Variants in KCNMA1 observed in about 807,000 individuals in gnomAD.
The protein encoded by KCNMA1 is potassium calcium-activated channel subfamily M alpha 1, also known as Calcium-activated potassium channel subunit alpha-1.
In KCNMA1, 29 loss-of-function variants were observed where a neutral mutation model predicts 140.0. The ratio of observed to expected loss-of-function variants is 0.21; its 90% CI spans 0.15 to 0.28. The LOEUF (loss-of-function observed/expected upper bound fraction) is 0.28. KCNMA1 is among the 10% of genes least tolerant of loss of function. The pLI is 1.00. For missense variants in KCNMA1, 880 were observed against 1,602.2 expected, an observed-to-expected ratio of 0.55 and a Z score of 7.70; for synonymous variants, 612 against 611.9, an observed-to-expected ratio of 1.00 and a Z score of 0.00.
chr10:77,590,303 T>C (rs998488066), intron 1 of KCNMA1, among the ~76,000 whole-genome samples: 7 of 152,126 alleles, frequency 4.6e-5, no homozygotes, highest in African/African-American at 1.7e-4. Context: ...CCTTGGGTGG[T>C]CGATGGGACT....
At chr10:77,387,991 G>A (rs922823479) in intron 2 of KCNMA1, among the ~76,000 whole-genome samples, 1 of 152,152 alleles carries the variant, frequency 6.6e-6, no homozygotes, top group African/African-American at 2.4e-5. Context: ...AATATTCTCT[G>A]TAGCTGCTAC....
chr10:77,590,498 G>T (rs1206464642), intron 1 of KCNMA1, among the ~76,000 whole-genome samples: 1 of 152,224 alleles, frequency 6.6e-6, no homozygotes, highest in Admixed American at 6.5e-5. Flanking sequence ...AGCCCGCTGA[G>T]CCCACACCCA....
intron 3 of KCNMA1, among the ~76,000 whole-genome samples, chr10:77,225,773 C>T (rs1242698513): frequency 6.6e-6 from 1 of 152,202 alleles, no homozygotes; most frequent in Non-Finnish European, 1.5e-5. Flanking sequence ...AGGCCACATG[C>T]CGAATGGAGG....
intron 15 of KCNMA1, among the ~76,000 whole-genome samples, chr10:77,032,733 CCT>C (rs1565663493): frequency 1.8e-4 from 26 of 148,096 alleles, no homozygotes; most frequent in South Asian, 2.1e-4. Context: ...GCCCAACCCC[CCT>C]TTTTTTTTTT....
intron 1 of KCNMA1, among the ~76,000 whole-genome samples, chr10:77,444,900 T>C (rs1020770321): frequency 6.6e-6 from 1 of 152,134 alleles, no homozygotes; most frequent in African/African-American, 2.4e-5. Context: ...ATTCTCCACT[T>C]GAGCAGTGAA....
chr10:77,542,133 A>G (rs748323883), intron 1 of KCNMA1, among the ~76,000 whole-genome samples: 1 of 152,226 alleles, frequency 6.6e-6, no homozygotes, highest in African/African-American at 2.4e-5. Context: ...AGAAGGCTCC[A>G]TGTATGAAGC....
chr10:77,399,059 A>C (rs1603467538), intron 2 of KCNMA1, among the ~76,000 whole-genome samples: 1 of 152,190 alleles, frequency 6.6e-6, no homozygotes, highest in East Asian at 1.9e-4. Context: ...CAGAGCGCAA[A>C]CCTGAGCCAC....
intron 1 of KCNMA1, among the ~76,000 whole-genome samples, chr10:77,574,928 T>C (rs2073459150): frequency 6.6e-6 from 1 of 152,224 alleles, no homozygotes; most frequent in African/African-American, 2.4e-5. Flanking sequence ...CTGATGGCTT[T>C]CAGGAGGCCC....
At chr10:77,623,838 A>G (rs2092004933) in intron 1 of KCNMA1, among the ~76,000 whole-genome samples, 1 of 152,242 alleles carries the variant, frequency 6.6e-6, no homozygotes, top group African/African-American at 2.4e-5. Context: ...ACAATTACCA[A>G]CACCCCAAAG....
chr10:77,224,849 G>A (rs963291429), intron 3 of KCNMA1, among the ~76,000 whole-genome samples: 14 of 152,292 alleles, frequency 9.2e-5, no homozygotes, highest in African/African-American at 3.4e-4. Flanking sequence ...AGGCTCAGAA[G>A]AGCTAATATA....
At chr10:77,347,997 C>G (rs2092408021) in intron 2 of KCNMA1, among the ~76,000 whole-genome samples, 1 of 152,152 alleles carries the variant, frequency 6.6e-6, no homozygotes, top group African/African-American at 2.4e-5. Context: ...GTGCTGAAAA[C>G]TTGGGATTCA....
At chr10:77,067,483 C>T (rs1291832736) in intron 14 of KCNMA1, among the ~76,000 whole-genome samples, 1 of 152,210 alleles carries the variant, frequency 6.6e-6, no homozygotes, top group Non-Finnish European at 1.5e-5. Context: ...ATCTCTCTCT[C>T]TCTCTCTCAC....
intron 9 of KCNMA1, among the ~76,000 whole-genome samples, chr10:77,099,357 G>A (rs1271358000): frequency 6.6e-6 from 1 of 152,086 alleles, no homozygotes; most frequent in East Asian, 1.9e-4. Flanking sequence ...CACACCCAAC[G>A]GTGTTGCCAC....
chr10:77,331,048 A>T (rs2086202105), intron 2 of KCNMA1, among the ~76,000 whole-genome samples: 1 of 152,112 alleles, frequency 6.6e-6, no homozygotes, highest in Admixed American at 6.5e-5. Context: ...TAAACTAAGG[A>T]GGCCATAAAA....
At chr10:77,145,568 T>G (rs530022528) in intron 5 of KCNMA1, among the ~76,000 whole-genome samples, 1 of 152,326 alleles carries the variant, frequency 6.6e-6, no homozygotes, top group Admixed American at 6.5e-5. Context: ...CTACCAATAC[T>G]GGGAAAACTC....
At chr10:76,887,660 C>G (rs375639536) in intron 27 of KCNMA1, 145 bp from the exon 28 acceptor site, 18 of 886,148 alleles carry the variant, frequency 2.0e-5, no homozygotes, top group East Asian at 1.6e-4. Context: ...AGGCCTTAAA[C>G]ATTCTTTTTC....
intron 2 of KCNMA1, among the ~76,000 whole-genome samples, chr10:77,364,718 G>C (rs966586801): frequency 6.6e-6 from 1 of 152,140 alleles, no homozygotes; most frequent in Non-Finnish European, 1.5e-5. Context: ...GGCCAGGCCT[G>C]AATGGGTAGC....
At chr10:77,554,484 C>G (rs1461427719) in intron 1 of KCNMA1, among the ~76,000 whole-genome samples, 2 of 150,884 alleles carry the variant, frequency 1.3e-5, no homozygotes, top group African/African-American at 4.9e-5. Context: ...ATAATCCCAG[C>G]TACTCAGGAG....
chr10:77,372,250 A>G (rs1209931626), intron 2 of KCNMA1, among the ~76,000 whole-genome samples: 2 of 152,178 alleles, frequency 1.3e-5, no homozygotes, highest in Non-Finnish European at 2.9e-5. Flanking sequence ...GAATCACTCC[A>G]AAAGGACTAG....
Sources: gnomAD v4.1 joint callset for allele counts (sites outside exome capture counted in the v4.1 genomes callset) on GRCh38, gnomAD v4.1.1 for gene constraint, MANE v1.5 for transcripts, NCBI Gene and HGNC (gene_info 2026-07-23, HGNC 2026-07-21) for gene names.